The following ZNF185 variants were observed in gnomAD, a reference collection of about 807,000 sequenced individuals.
ZNF185 encodes the protein zinc finger protein 185.
In ZNF185, 56 loss-of-function variants were observed where a neutral mutation model predicts 58.6. The ratio of observed to expected loss-of-function variants is 0.95; its 90% CI spans 0.77 to 1.19. The LOEUF is 1.19. Among genes scored for constraint, ZNF185 ranks in the 50% most tolerant of loss-of-function variants. The pLI is 0.00. For missense variants in ZNF185, 627 were observed against 573.5 expected (o/e 1.09, Z -0.95); for synonymous variants, 230 against 215.9 (o/e 1.07, Z -0.57).
chrX:152,936,428 G>GCT (rs1370771487), intron 14 of ZNF185: 12 of 1,165,167 alleles, frequency 1.0e-5, no homozygotes, highest in Non-Finnish European at 1.4e-5. Context: ...GCTGTGTGCA[G>GCT]CTGCTAGCTT....
intron 14 of ZNF185, among the ~76,000 whole-genome samples, chrX:152,934,856 C>T (rs2046082371): frequency 8.9e-6 from 1 of 112,034 alleles, no homozygotes; most frequent in Non-Finnish European, 1.9e-5. Context: ...CAGGACCTTG[C>T]TCTGTCACCA....
chrX:152,925,690 A>G (rs1940725814), intron 11 of ZNF185, among the ~76,000 whole-genome samples: 1 of 111,875 alleles, frequency 8.9e-6, no homozygotes, highest in Non-Finnish European at 1.9e-5. Flanking sequence ...AGCCACCATC[A>G]GTACTCCCAG....
At chrX:152,955,943 C>G (rs1485011666) in intron 16 of ZNF185, among the ~76,000 whole-genome samples, 2 of 111,086 alleles carry the variant, frequency 1.8e-5, no homozygotes, top group East Asian at 5.6e-4. Context: ...GCCAGGTTCT[C>G]ACTTAGGTGA....
chrX:152,937,552 C>T (rs972488547), intron 14 of ZNF185, among the ~76,000 whole-genome samples: 5 of 111,798 alleles, frequency 4.5e-5, no homozygotes, highest in South Asian at 3.7e-4. Flanking sequence ...CCCGTGCACC[C>T]GCCATGTCAA....
At chrX:152,911,669 T>TCCCATCCCA (rs1937273132), upstream of ZNF185, among the ~76,000 whole-genome samples, 1 of 13,468 alleles carries the variant, frequency 7.4e-5, no homozygotes. Flanking sequence ...ATCCCATCCC[T>TCCCATCCCA]CCCATCCCAC....
chrX:152,941,916 G>T, intron 15 of ZNF185: 1 of 1,037,412 alleles, frequency 9.6e-7, no homozygotes, highest in Non-Finnish European at 1.2e-6. Flanking sequence ...TCCCGCGAGG[G>T]GCCGAACGGG....
chrX:152,965,523 A>G (rs1239613451), exon 19 of ZNF185: 3 of 1,177,111 alleles, frequency 2.5e-6, no homozygotes, highest in African/African-American at 3.5e-5. Flanking sequence ...TGCACGCTAT[A>G]GCAAGTAAGA....
chrX:152,962,650 G>A (rs1556911224), intron 17 of ZNF185, among the ~76,000 whole-genome samples: 2 of 112,011 alleles, frequency 1.8e-5, no homozygotes, highest in African/African-American at 6.5e-5. Context: ...TTTGTCATAG[G>A]GTGAAGCAGG....
In ZNF185 at chrX:152,957,799, T is replaced by C. The variant is rs146513149; in HGVS notation, c.1410-1900T>C. ...ACTTTATAGCACAAAATATACCAGA[T>C]TGACTACAGCTTAAGACTAGACAGC... On this transcript the variant is annotated intron_variant, in intron 16 of 22. Transcript: ENST00000449285. Among the ~76,000 whole-genome samples, 771 of 112,856 alleles carry C rather than the reference T, an allele frequency of 6.8e-3. 7 individuals are homozygous for C. The highest frequency in any genetic ancestry group is 0.023 in the African/African-American group (702 of 31,101).
chrX:152,920,502 G>T, intron 8 of ZNF185, 91 bp downstream of exon 9: 1 of 1,004,536 alleles, frequency 1.0e-6, no homozygotes, highest in East Asian at 3.1e-5. Context: ...GGTGGGTGGA[G>T]AGATCACCCC....
intron 15 of ZNF185, chrX:152,941,925 G>A: frequency 2.1e-5 from 21 of 1,022,051 alleles, no homozygotes; most frequent in Non-Finnish European, 2.3e-5. Context: ...GGGCCGAACG[G>A]GGCCCCTGCG....
chrX:152,905,330 G>T, the ZNF185 span, among the ~76,000 whole-genome samples: 1 of 112,008 alleles, frequency 8.9e-6, no homozygotes, highest in South Asian at 3.9e-4. Flanking sequence ...GCCACCTGCT[G>T]CCCCTTGTTT....
At chrX:152,920,743 G>A (rs375021339) in exon 9 of ZNF185, 44 of 1,210,495 alleles carry the variant, frequency 3.6e-5, no homozygotes, top group Admixed American at 1.3e-4. Context: ...CGTTTATCGC[G>A]AAGAGGTAAG....
chrX:152,905,710 G>C, the ZNF185 span, among the ~76,000 whole-genome samples: 4 of 97,201 alleles, frequency 4.1e-5, no homozygotes, highest in Admixed American at 3.2e-4. Flanking sequence ...TGTCAGACAG[G>C]CTTGGGGGGG....
intron 14 of ZNF185, among the ~76,000 whole-genome samples, chrX:152,936,945 TGG>T: frequency 1.8e-5 from 2 of 111,132 alleles, no homozygotes; most frequent in Non-Finnish European, 3.8e-5. Flanking sequence ...GTGGCTGGGA[TGG>T]GCAAAAATGG....
At chrX:152,914,469 G>A (rs1937939544) in exon 1 of ZNF185, 1 of 1,170,925 alleles carries the variant, frequency 8.5e-7, no homozygotes. Context: ...CAAGTGAGAG[G>A]AGAGCTGCGG....
At chrX:152,939,141 GTGTTTAAAAGGTGAATGCA>G (rs1350813373) in intron 15 of ZNF185, among the ~76,000 whole-genome samples, 4 of 112,015 alleles carry the variant, frequency 3.6e-5, no homozygotes, top group Non-Finnish European at 7.5e-5. Flanking sequence ...TGTGATTTAG[GTGTTTAAAAGGTGAATGCA>G]TGTTTGCATT....
At chrX:152,931,888 C>T in intron 13 of ZNF185, 112 bp downstream of exon 14, 1 of 611,845 alleles carries the variant, frequency 1.6e-6, no homozygotes, top group East Asian at 3.8e-5. Flanking sequence ...CAGCTGGGGC[C>T]AGGAAGGTCC....
At chrX:152,960,717 C>T (rs1213643428) in intron 17 of ZNF185, among the ~76,000 whole-genome samples, 2 of 112,423 alleles carry the variant, frequency 1.8e-5, no homozygotes, top group Non-Finnish European at 3.8e-5. Context: ...GATTTTATAT[C>T]ATCCTGAAAC....
Sources: gnomAD v4.1 joint callset for allele counts (sites outside exome capture counted in the v4.1 genomes callset) on GRCh38, gnomAD v4.1.1 for gene constraint, MANE v1.5 for transcripts, NCBI Gene and HGNC (gene_info 2026-07-23, HGNC 2026-07-21) for gene names.